Variants in CLVS1 observed in about 807,000 individuals in gnomAD.
The protein encoded by CLVS1 is clavesin 1, also known as clavesin-1.
CLVS1 carries 10 observed loss-of-function variants against 33.1 expected under a neutral mutation model. The ratio of observed to expected loss-of-function variants is 0.30; its 90% CI spans 0.19 to 0.51. The LOEUF (loss-of-function observed/expected upper bound fraction) is 0.51, where lower values mean the gene tolerates loss of function less well. Ranked by LOEUF, CLVS1 falls within the 20% of genes least tolerant of loss-of-function variation. CLVS1 has a pLI of 0.97. For missense variants in CLVS1, 343 were observed against 433.4 expected (o/e 0.79, Z 1.85); for synonymous variants, 163 against 166.1 (o/e 0.98, Z 0.14).
chr8:61,253,286 A>T (rs1245910618), intron 2 of CLVS1, among the ~76,000 whole-genome samples: 1 of 152,156 alleles, frequency 6.6e-6, no homozygotes, highest in Admixed American at 6.5e-5. Flanking sequence ...TTGCCAAGAG[A>T]TCAGCTGTTA....
intron 2 of CLVS1, among the ~76,000 whole-genome samples, chr8:61,275,466 C>T (rs1312515659): frequency 6.6e-6 from 1 of 152,200 alleles, no homozygotes; most frequent in Non-Finnish European, 1.5e-5. Flanking sequence ...ATTTCCACTG[C>T]ATACATGGTT....
chr8:61,501,117 A>ACAT lies in CLVS1; in HGVS notation c.*1576_*1578dup, dbSNP rs1804833018. 6.6e-6 allele frequency: 1 copy of ACAT among 152,188 alleles called. No individual in the cohort carries two copies. The highest frequency in any genetic ancestry group is 2.1e-4 in the South Asian group (1 of 4,828). 9.4% of individuals were successfully genotyped at this position (152,188 alleles called of 1,614,324 possible). A position where few individuals can be genotyped will look rare whatever the true frequency, so the allele number is the denominator to read the frequency against. On this transcript the variant is annotated 3_prime_UTR_variant, in exon 6 of 6. Transcript: ENST00000325897. ...ATTAAACTAATTCATTTTTGTGTAG[A>ACAT]CATACGAAATCACAAAAATAATAAC... is the stretch of plus-strand genomic sequence containing the variant.
chr8:61,068,229 G>GTATATATATATATATATATATATATA (rs201671807), intron 1 of CLVS1, among the ~76,000 whole-genome samples: 2 of 101,004 alleles, frequency 2.0e-5, no homozygotes, highest in African/African-American at 7.3e-5. Flanking sequence ...GTATGTATGT[G>GTATATATATATATATATATATATATA]TATATATATA....
At chr8:61,110,714 C>T (rs962486131) in intron 1 of CLVS1, among the ~76,000 whole-genome samples, 5 of 152,138 alleles carry the variant, frequency 3.3e-5, no homozygotes, top group African/African-American at 1.2e-4. Context: ...GCCTCCCCTA[C>T]CCCCTGGCAA....
chr8:61,480,639 T>G (rs904363373), intron 5 of CLVS1, among the ~76,000 whole-genome samples: 1 of 152,028 alleles, frequency 6.6e-6, no homozygotes, highest in Non-Finnish European at 1.5e-5. Flanking sequence ...GGTACCTCAG[T>G]TGGTAATGCA....
At chr8:61,133,357 G>T (rs1375684626) in intron 2 of CLVS1, among the ~76,000 whole-genome samples, 1 of 152,202 alleles carries the variant, frequency 6.6e-6, no homozygotes, top group Non-Finnish European at 1.5e-5. Flanking sequence ...GCCTTGAAGA[G>T]TGGGTATAGA....
intron 1 of CLVS1, among the ~76,000 whole-genome samples, chr8:61,074,812 C>T (rs985808187): frequency 6.6e-6 from 1 of 152,034 alleles, no homozygotes; most frequent in Non-Finnish European, 1.5e-5. Context: ...TATAAAGTGC[C>T]TGACACTTAG....
chr8:61,007,174 T>C, the CLVS1 span, among the ~76,000 whole-genome samples: 1 of 152,366 alleles, frequency 6.6e-6, no homozygotes, highest in Non-Finnish European at 1.5e-5. Context: ...AAGCAAGCAT[T>C]TTCCCCAAAG....
chr8:61,016,971 C>T, the CLVS1 span, among the ~76,000 whole-genome samples: 22 of 152,334 alleles, frequency 1.4e-4, no homozygotes, highest in East Asian at 5.8e-4. Context: ...ATCTCCCTTA[C>T]GGCAATGTGG....
At chr8:61,188,120 G>C (rs1322878174) in intron 2 of CLVS1, among the ~76,000 whole-genome samples, 1 of 152,116 alleles carries the variant, frequency 6.6e-6, no homozygotes, top group Admixed American at 6.6e-5. Context: ...TAATGTAGCT[G>C]AAAAATTAGC....
intron 2 of CLVS1, among the ~76,000 whole-genome samples, chr8:61,331,460 T>C (rs971166654): frequency 2.4e-4 from 37 of 151,780 alleles, no homozygotes; most frequent in African/African-American, 8.4e-4. Flanking sequence ...TTCCCTGGGC[T>C]TTATTATTAT....
At chr8:61,397,781 T>A (rs968909212) in intron 3 of CLVS1, among the ~76,000 whole-genome samples, 3 of 152,232 alleles carry the variant, frequency 2.0e-5, no homozygotes, top group African/African-American at 7.2e-5. Context: ...TTGAATAGTA[T>A]TGTTTCCTTT....
intron 3 of CLVS1, among the ~76,000 whole-genome samples, chr8:61,425,869 A>G (rs1456297208): frequency 6.6e-6 from 1 of 152,180 alleles, no homozygotes; most frequent in African/African-American, 2.4e-5. Flanking sequence ...TACAGGGACT[A>G]TGTCTCATTT....
chr8:61,019,753 C>A, the CLVS1 span, among the ~76,000 whole-genome samples: 2 of 152,036 alleles, frequency 1.3e-5, no homozygotes, highest in African/African-American at 4.8e-5. Context: ...AGACATGGAA[C>A]CTTTTGGGAC....
intron 1 of CLVS1, among the ~76,000 whole-genome samples, chr8:61,109,909 C>A (rs76526130): frequency 1.3e-5 from 2 of 152,190 alleles, no homozygotes; most frequent in Admixed American, 6.5e-5. Flanking sequence ...CAAGAAGATG[C>A]GCCCCATCAA....
At chr8:61,177,052 A>G (rs1648469416) in intron 2 of CLVS1, among the ~76,000 whole-genome samples, 2 of 148,762 alleles carry the variant, frequency 1.3e-5, no homozygotes, top group South Asian at 4.4e-4. Flanking sequence ...GCTGCCTAAC[A>G]CACTAAGCTC....
intron 2 of CLVS1, among the ~76,000 whole-genome samples, chr8:61,155,029 C>T (rs958247432): frequency 1.3e-5 from 2 of 152,046 alleles, no homozygotes; most frequent in African/African-American, 4.8e-5. Flanking sequence ...TGCACAGGTG[C>T]CTAGAAGGTG....
chr8:61,333,219 A>G lies in CLVS1; in HGVS notation c.455+32937A>G, dbSNP rs560601904. Among the ~76,000 whole-genome samples, 8 of 152,342 alleles carry G rather than the reference A, an allele frequency of 5.3e-5. No individual in the cohort carries two copies. In the South Asian group the frequency reaches 1.7e-3, roughly 32 times the overall value. On this transcript the variant is annotated intron_variant, in intron 2 of 5. Transcript: ENST00000325897. ...GTAAGAATAAGCAAAACTATGGAGAAATTTGAAAGTTTAATAAAGTTTTTA... is the reference window on the plus strand; with the variant it reads ...GTAAGAATAAGCAAAACTATGGAGAGATTTGAAAGTTTAATAAAGTTTTTA...
intron 2 of CLVS1, among the ~76,000 whole-genome samples, chr8:61,157,908 G>A (rs1303574152): frequency 2.6e-5 from 4 of 152,162 alleles, no homozygotes; most frequent in Non-Finnish European, 4.4e-5. Flanking sequence ...TACATTGCCA[G>A]TGGGAGTGTA....
Sources: allele counts gnomAD v4.1 joint callset (sites outside exome capture counted in the v4.1 genomes callset), GRCh38; gene constraint gnomAD v4.1.1; transcripts MANE v1.5; gene names NCBI Gene and HGNC (gene_info 2026-07-23, HGNC 2026-07-21).